Variants in LDLRAD4 observed in about 807,000 individuals in gnomAD.
LDLRAD4 encodes low-density lipoprotein receptor class A domain-containing protein 4.
Under a neutral mutation model 17.0 loss-of-function variants are expected in LDLRAD4, and 5 were observed. That is an observed-to-expected ratio of 0.29 (90% CI 0.15 to 0.62). LDLRAD4 has a LOEUF of 0.62. LDLRAD4 is among the 20% of genes least tolerant of loss of function. The pLI is 0.84. For missense variants in LDLRAD4, 340 were observed against 424.7 expected, an observed-to-expected ratio of 0.80 and a Z score of 1.75; for synonymous variants, 168 against 171.8, an observed-to-expected ratio of 0.98 and a Z score of 0.17.
At chr18:13,248,243 G>A (rs2043062988) in intron 1 of LDLRAD4, among the ~76,000 whole-genome samples, 2 of 152,212 alleles carry the variant, frequency 1.3e-5, no homozygotes, top group South Asian at 4.1e-4. Flanking sequence ...CTACAGGCGC[G>A]AGCCACCGCG....
intron 5 of LDLRAD4, among the ~76,000 whole-genome samples, chr18:13,644,642 T>C (rs920341438): frequency 1.8e-4 from 27 of 151,756 alleles, no homozygotes; most frequent in African/African-American, 5.8e-4. Flanking sequence ...TTCTGAACCA[T>C]AGGTTCTAAG....
At chr18:13,244,699 C>T (rs954841104) in intron 1 of LDLRAD4, among the ~76,000 whole-genome samples, 2 of 152,108 alleles carry the variant, frequency 1.3e-5, no homozygotes, top group Non-Finnish European at 2.9e-5. Context: ...CCCTCTTCCC[C>T]CAAGACACAC....
intron 3 of LDLRAD4, among the ~76,000 whole-genome samples, chr18:13,494,226 A>G (rs1391562436): frequency 1.3e-5 from 2 of 152,158 alleles, no homozygotes; most frequent in Admixed American, 6.5e-5. Context: ...AGCTTGTCTG[A>G]CACAAAAGCA....
At chr18:13,286,067 G>A (rs1199538214) in intron 1 of LDLRAD4, among the ~76,000 whole-genome samples, 2 of 152,130 alleles carry the variant, frequency 1.3e-5, no homozygotes, top group South Asian at 2.1e-4. Flanking sequence ...AACCAAAACT[G>A]TGTACCCATT....
At chr18:13,574,890 C>T (rs1299084614) in intron 3 of LDLRAD4, among the ~76,000 whole-genome samples, 3 of 152,196 alleles carry the variant, frequency 2.0e-5, no homozygotes, top group Admixed American at 6.5e-5. Context: ...GGACACCCCT[C>T]CCTTTTTGTC....
intron 1 of LDLRAD4, among the ~76,000 whole-genome samples, chr18:13,369,026 A>AGCCAGCTC (rs897135968): frequency 1.3e-4 from 20 of 152,322 alleles, no homozygotes; most frequent in African/African-American, 4.8e-4. Context: ...TTTTTGCCAG[A>AGCCAGCTC]GCCAGCTCAG....
intron 3 of LDLRAD4, 30 bp downstream of exon 4, chr18:13,438,414 T>C: frequency 6.2e-7 from 1 of 1,601,852 alleles, no homozygotes; most frequent in South Asian, 1.1e-5. Flanking sequence ...TGGGTGGCAC[T>C]GTCTGATGTG....
At chr18:13,341,789 TG>T (rs2082387673) in intron 1 of LDLRAD4, among the ~76,000 whole-genome samples, 1 of 152,194 alleles carries the variant, frequency 6.6e-6, no homozygotes, top group Admixed American at 6.5e-5. Flanking sequence ...ATGGCAAAAG[TG>T]GACTTTCTTG....
intron 4 of LDLRAD4, among the ~76,000 whole-genome samples, chr18:13,639,513 G>A (rs748145318): frequency 2.0e-5 from 3 of 152,218 alleles, no homozygotes; most frequent in Non-Finnish European, 2.9e-5. Flanking sequence ...CAGCCTTGGT[G>A]GAATGACCAG....
intron 3 of LDLRAD4, among the ~76,000 whole-genome samples, chr18:13,596,206 C>A (rs1367179267): frequency 6.6e-6 from 1 of 152,088 alleles, no homozygotes; most frequent in Non-Finnish European, 1.5e-5. Flanking sequence ...TTTCTTATGA[C>A]TGTTGTTTGT....
intron 1 of LDLRAD4, among the ~76,000 whole-genome samples, chr18:13,272,866 T>A (rs1341942569): frequency 6.6e-6 from 1 of 152,228 alleles, no homozygotes; most frequent in Non-Finnish European, 1.5e-5. Context: ...TGCAGATTCC[T>A]GGTGCTGGCC....
chr18:13,448,647 G>A (rs1265441733), intron 3 of LDLRAD4, among the ~76,000 whole-genome samples: 1 of 151,972 alleles, frequency 6.6e-6, no homozygotes, highest in East Asian at 1.9e-4. Flanking sequence ...GAGATTGGGG[G>A]GCGGAGGCTG....
rs746646398 is a variant in LDLRAD4 at position 13,292,017 on chromosome 18, G to A, written c.-383+13829G>A. Among the ~76,000 whole-genome samples, 146 of 152,288 alleles carry A rather than the reference G, an allele frequency of 9.6e-4. 1 individual carries two copies. Among genetic ancestry groups the A allele is most frequent in the Non-Finnish European group, 1.7e-3 (119 of 68,024 alleles). On this transcript the variant is annotated intron_variant, in intron 1 of 5. Coordinates refer to ENST00000359446, the Ensembl canonical transcript of LDLRAD4. ...TTCTAGGCTACCAAACAGAAGTTGG[G>A]TGTTTTTAGTGTAGTCTGTCCACAT...
intron 1 of LDLRAD4, among the ~76,000 whole-genome samples, chr18:13,228,559 G>C (rs925755305): frequency 6.6e-6 from 1 of 152,168 alleles, no homozygotes; most frequent in Non-Finnish European, 1.5e-5. Flanking sequence ...AGGAAATGTC[G>C]GCAGTTGGTT....
intron 3 of LDLRAD4, among the ~76,000 whole-genome samples, chr18:13,495,824 A>G (rs772690953): frequency 2.6e-5 from 4 of 152,152 alleles, no homozygotes; most frequent in African/African-American, 4.8e-5. Context: ...TCATACGGCA[A>G]CGTCACCAGC....
chr18:13,612,500 C>G, intron 3 of LDLRAD4: 1 of 1,366,706 alleles, frequency 7.3e-7, no homozygotes, highest in Non-Finnish European at 9.4e-7. Flanking sequence ...GGGGTGGGCC[C>G]TGCTGATACA....
intron 3 of LDLRAD4, chr18:13,490,103 T>C: frequency 6.6e-6 from 1 of 152,124 alleles, no homozygotes; most frequent in South Asian, 2.1e-4. Context: ...GCTCCTGTTT[T>C]GGGCACTCCA....
intron 3 of LDLRAD4, chr18:13,488,041 G>A (rs2093273373): frequency 1.3e-5 from 2 of 152,424 alleles, no homozygotes; most frequent in Non-Finnish European, 2.9e-5. Context: ...CTTAGAGAGT[G>A]ACCCTGGCTC....
chr18:13,439,648 C>T (rs898374974), intron 3 of LDLRAD4, among the ~76,000 whole-genome samples: 1 of 152,182 alleles, frequency 6.6e-6, no homozygotes, highest in Admixed American at 6.5e-5. Flanking sequence ...GCCCCTGCTC[C>T]CCCAAGGCCC....
Sources: allele counts gnomAD v4.1 joint callset (sites outside exome capture counted in the v4.1 genomes callset), GRCh38; gene constraint gnomAD v4.1.1; transcripts MANE v1.5; gene names NCBI Gene and HGNC (gene_info 2026-07-23, HGNC 2026-07-21).